SNX31: variants seen among roughly 807,000 people sequenced by gnomAD.
SNX31 encodes the protein sorting nexin 31.
A neutral mutation model predicts 65.4 loss-of-function variants in SNX31; 58 were observed. The observed-to-expected ratio is 0.89, with a 90% CI of 0.72 to 1.10. SNX31 has a LOEUF of 1.10. Among genes scored for constraint, SNX31 ranks in the 50% least tolerant of loss-of-function variants. The probability of loss-of-function intolerance (pLI) is 0.00; values close to 1 mark genes in which losing one functional copy is unlikely to be tolerated. For missense variants in SNX31, 523 were observed against 529.7 expected (o/e 0.99, Z 0.12); for synonymous variants, 181 against 190.1 (o/e 0.95, Z 0.39).
intron 12 of SNX31, among the ~76,000 whole-genome samples, chr8:100,583,430 T>TAA (rs145623574): frequency 2.7e-5 from 4 of 150,230 alleles, no homozygotes; most frequent in African/African-American, 7.3e-5. Flanking sequence ...TCTAATCATT[T>TAA]AAAAAAAAAA....
intron 11 of SNX31, among the ~76,000 whole-genome samples, chr8:100,587,344 G>C (rs147409825): frequency 5.4e-4 from 82 of 152,306 alleles, no homozygotes; most frequent in Non-Finnish European, 9.6e-4. Context: ...CCACTTAAAT[G>C]ATGCCACAAG....
intron 4 of SNX31, among the ~76,000 whole-genome samples, chr8:100,620,414 G>A (rs932705720): frequency 6.6e-6 from 1 of 152,120 alleles, no homozygotes; most frequent in Non-Finnish European, 1.5e-5. Context: ...CTTATTTTTC[G>A]TCATTTCATT....
chr8:100,654,430 G>A (rs1051256457), upstream of SNX31, among the ~76,000 whole-genome samples: 2 of 152,200 alleles, frequency 1.3e-5, no homozygotes, highest in Non-Finnish European at 2.9e-5. Flanking sequence ...CAGGCTGCCT[G>A]GAAAGTCTCC....
At position 100,659,382 on chromosome 8, in the gene SNX31, G is replaced by C. The variant is rs536749577; in HGVS notation, c.-58+3760C>G. ...AAAAAAAAAAAAAAAAAAAAAGCGTGGGGGGACATCACACTGTTCTTTTCA... is the reference window on the plus strand; with the variant it reads ...AAAAAAAAAAAAAAAAAAAAAGCGTCGGGGGACATCACACTGTTCTTTTCA... On this transcript the variant is annotated intron_variant, in intron 1 of 5. Transcript: ENST00000520352. Among the ~76,000 whole-genome samples the C allele has an allele frequency of 9.3e-5, 14 of 150,946 alleles. No homozygotes were observed. In the East Asian group the frequency reaches 1.9e-3, roughly 21 times the overall value.
At position 100,613,019 on chromosome 8, in the gene SNX31, A is replaced by G. The variant is rs200656076; in HGVS notation, c.499T>C (p.Phe167Leu). The G allele has an allele frequency of 9.3e-6, 15 of 1,613,928 alleles. No homozygotes were observed. In the East Asian group the frequency reaches 3.1e-4, roughly 34 times the overall value. Reference sequence around the variant, plus strand: ...CCAGAGAGCTTGCCCTCCTTGCCAAACCGAATGAGAAAGAGGCCGAAGTAG... The same window carrying G: ...CCAGAGAGCTTGCCCTCCTTGCCAAGCCGAATGAGAAAGAGGCCGAAGTAG... The part of the protein sequence containing the change: ...LGYFGLFLIR[F>L]GKEGKLSVVK... The change falls in exon 6 of 14, where the codon TTT becomes CTT. Residue 167 changes from phenylalanine (F) to leucine (L), a missense_variant. By Grantham distance (22) the Phe-to-Leu change is conservative. Coordinates refer to ENST00000311812, the MANE Select transcript of SNX31 (RefSeq NM_152628.4). This position sits in a 1 kb window ranked among gnomAD's most constrained non-coding sequence, Gnocchi z 5.2.
intron 3 of SNX31, among the ~76,000 whole-genome samples, chr8:100,632,405 C>CA (rs925163078): frequency 6.0e-5 from 9 of 150,072 alleles, no homozygotes; most frequent in South Asian, 2.1e-4. Flanking sequence ...GGTCCCATGA[C>CA]AAAAAAAAAT....
In SNX31 at chr8:100,617,717, A is replaced by T. The variant is rs755618890; in HGVS notation, c.335T>A (p.Ile112Asn). The change falls in exon 5 of 14, where the codon ATC (isoleucine) becomes AAC (asparagine). Residue 112 changes from isoleucine (I) to asparagine (N), a missense_variant. By Grantham distance (149) the Ile-to-Asn change is moderately radical. Transcript: ENST00000311812. The part of the protein sequence containing the change: ...LKLAQLNTFD[I>N]ATKKAYLDIF... Reference sequence around the variant, plus strand: ...GTCCAGATAAGCTTTCTTGGTGGCGATGTCAAATGTATTCTATAAGCAAAA... The same window carrying T: ...GTCCAGATAAGCTTTCTTGGTGGCGTTGTCAAATGTATTCTATAAGCAAAA... 6.2e-7 allele frequency: 1 copy of T among 1,610,634 alleles called. No individual in the cohort carries two copies. The highest frequency in any genetic ancestry group is 1.1e-5 in the South Asian group (1 of 90,870).
At chr8:100,601,886 A>G (rs1815662317) in intron 8 of SNX31, among the ~76,000 whole-genome samples, 1 of 112,612 alleles carries the variant, frequency 8.9e-6, no homozygotes, top group Non-Finnish European at 1.7e-5. Flanking sequence ...GTCTCAGCCT[A>G]CCCTCCCTGA....
rs181235979 is a variant in SNX31 at position 100,607,464 on chromosome 8, G to A, written c.681+1030C>T. 3.2e-4 allele frequency among the ~76,000 whole-genome samples: 49 copies of A among 152,306 alleles called. 1 individual carries two copies. Among genetic ancestry groups the A allele is most frequent in the Non-Finnish European group, 3.2e-4 (22 of 68,016 alleles). On this transcript the variant is annotated intron_variant, in intron 8 of 13. Transcript: ENST00000311812. ...AAATTTACTTTATTAGAGGCTGGGG[G>A]TAGGAGTAGGTAGGGCCAACTACAT...
chr8:100,652,845 C>CAG (rs1210840947), upstream of SNX31, among the ~76,000 whole-genome samples: 2 of 152,068 alleles, frequency 1.3e-5, no homozygotes, highest in Non-Finnish European at 2.9e-5. Flanking sequence ...TGCTCTACAC[C>CAG]AGAGGGGCCC....
In SNX31 at chr8:100,613,211, A is replaced by G. The variant is rs2131040567; in HGVS notation, c.433-126T>C. The G allele has an allele frequency of 1.5e-6, 1 of 675,464 alleles. No individual in the cohort carries two copies. Among genetic ancestry groups the G allele is most frequent in the Non-Finnish European group, 2.5e-6 (1 of 392,548 alleles). The allele number at this position is 675,464 out of a possible 1,614,324, so 41.8% of individuals were successfully genotyped here. A position where few individuals can be genotyped will look rare whatever the true frequency, so the allele number is the denominator to read the frequency against. On this transcript the variant is annotated intron_variant, in intron 5 of 13. Coordinates refer to ENST00000311812, the MANE Select transcript of SNX31 (RefSeq NM_152628.4). The surrounding 1 kb of genome is among the most constrained non-coding windows in gnomAD (Gnocchi z 5.2). ...AAAATGCTGTCATGGGTTAGTGAAC[A>G]CTCAAAGAAAGCTTTTTGGAATCAA...
At chr8:100,641,610 A>C (rs1819227012) in intron 2 of SNX31, among the ~76,000 whole-genome samples, 1 of 56,010 alleles carries the variant, frequency 1.8e-5, no homozygotes, top group African/African-American at 7.7e-5. Context: ...ATACACACAC[A>C]CACGCACACA....
At position 100,625,450 on chromosome 8, in the gene SNX31, G is replaced by A. The variant is rs186152851; in HGVS notation, c.321+4877C>T. 1.2e-4 allele frequency among the ~76,000 whole-genome samples: 19 copies of A among 152,136 alleles called. No homozygotes were observed. Among genetic ancestry groups the A allele is most frequent in the Admixed American group, 1.2e-3 (18 of 15,294 alleles). Reference sequence around the variant, plus strand: ...GAGCAGAATAGCAACAAAGCACACCGATCTCCTTGAAAAATTAAAAGATTT... The same window carrying A: ...GAGCAGAATAGCAACAAAGCACACCAATCTCCTTGAAAAATTAAAAGATTT... On this transcript the variant is annotated intron_variant, in intron 4 of 13. Coordinates refer to ENST00000311812, the MANE Select transcript of SNX31 (RefSeq NM_152628.4). The surrounding 1 kb of genome is among the most constrained non-coding windows in gnomAD (Gnocchi z 4.2).
chr8:100,582,421 T>G (rs1244197180), intron 12 of SNX31: 3 of 152,224 alleles, frequency 2.0e-5, no homozygotes, highest in African/African-American at 4.8e-5. Flanking sequence ...AGGTTGGATT[T>G]TATTATATTA....
At chr8:100,624,114 A>G (rs1306029735) in intron 4 of SNX31, among the ~76,000 whole-genome samples, 4 of 152,154 alleles carry the variant, frequency 2.6e-5, no homozygotes, top group Non-Finnish European at 5.9e-5. Context: ...AAGAAAGCTG[A>G]AATCCTCACA....
chr8:100,655,772 T>C (rs1820045053), intron 1 of SNX31, among the ~76,000 whole-genome samples: 1 of 152,170 alleles, frequency 6.6e-6, no homozygotes, highest in Admixed American at 6.5e-5. Flanking sequence ...TTTTGAAGGT[T>C]GCAGCTGCTG....
In SNX31 at chr8:100,578,094, C is replaced by T. The variant is rs564834367; in HGVS notation, c.1171-1019G>A. 1.1e-4 allele frequency among the ~76,000 whole-genome samples: 16 copies of T among 152,284 alleles called. No individual in the cohort carries two copies. In the South Asian group the frequency reaches 1.2e-3, roughly 12 times the overall value. On this transcript the variant is annotated intron_variant, in intron 12 of 13. Transcript: ENST00000311812. This position sits in a 1 kb window ranked among gnomAD's most constrained non-coding sequence, Gnocchi z 4.7. ...GACATGTCCTGGGCTGCATGCAGCC[C>T]GCAGGCTGTGGGTTGGACAAGCTTG...
intron 2 of SNX31, among the ~76,000 whole-genome samples, chr8:100,640,125 C>A (rs565643399): frequency 1.1e-3 from 160 of 152,064 alleles, no homozygotes; most frequent in Middle Eastern, 6.8e-3. Flanking sequence ...AATTTCTTTT[C>A]TTTTCTTTTC....
upstream of SNX31, among the ~76,000 whole-genome samples, chr8:100,654,621 G>T (rs558593801): frequency 5.3e-5 from 8 of 152,364 alleles, no homozygotes; most frequent in Admixed American, 5.2e-4. Flanking sequence ...CCCCACCCCA[G>T]GGGACCTGGG....
Sources: gnomAD v4.1 joint callset for allele counts (sites outside exome capture counted in the v4.1 genomes callset) on GRCh38, gnomAD v4.1.1 for gene constraint, Gnocchi (gnomAD v3.1) non-coding constraint, MANE v1.5 for transcripts, NCBI Gene and HGNC (gene_info 2026-07-23, HGNC 2026-07-21) for gene names.